The following FAM168A variants were observed in gnomAD, a reference collection of about 807,000 sequenced individuals.
FAM168A encodes the protein protein FAM168A.
In FAM168A, 3 loss-of-function variants were observed where a neutral mutation model predicts 28.5. That is an observed-to-expected ratio of 0.11 (90% confidence interval 0.05 to 0.27). The LOEUF is 0.27. Among genes scored for constraint, FAM168A ranks in the 10% least tolerant of loss-of-function variants. FAM168A has a pLI of 1.00. For synonymous variants in FAM168A, 122 were observed against 124.2 expected, an observed-to-expected ratio of 0.98 and a Z score of 0.12; for missense variants, 222 against 311.5, an observed-to-expected ratio of 0.71 and a Z score of 2.16.
Position 73,468,417 on chromosome 11 carries a change from T to C in FAM168A, c.58A>G (p.Met20Val), listed in dbSNP as rs755968252. 1.7e-5 allele frequency: 27 copies of C among 1,614,000 alleles called. No homozygotes were observed. The African/African-American group carries it at 3.1e-4, about 18-fold the overall frequency. The change falls in exon 2 of 8, where the codon ATG (methionine) becomes GTG (valine). Residue 20 changes from methionine (M) to valine (V), a missense_variant. By Grantham distance (21) the Met-to-Val change is conservative. Around this residue, in one of 3 missense-constraint regions of FAM168A, gnomAD observed 153 missense variants for 189.2 expected, o/e 0.81. Coordinates refer to ENST00000356467, the MANE Select transcript of FAM168A (RefSeq NM_015159.3). Reference protein sequence around the residue: ...PGAPYGNPKNMAYTGYPTAYP... With the variant: ...PGAPYGNPKNVAYTGYPTAYP... The stretch of plus-strand genomic sequence containing the variant: ...TCACACTACTCACCCGTGTAGGCCA[T>C]GTTCTTAGGGTTGCCATAAGGAGCC...
rs201999255 is a variant in FAM168A, at chr11:73,419,911, G to A, written c.240C>T (p.Thr80=). ...GTFHLPVDTG[T]ENRTYQASSA... ...AGGATGCTTGGTAAGTTCGGTTCTC[G>A]GTCCCGGTGTCCACTGGGAGGTGGA... Residue 80 remains threonine, a synonymous_variant, in exon 4 of 8, where the codon ACC becomes ACT. Coordinates refer to ENST00000356467, the MANE Select transcript of FAM168A (RefSeq NM_015159.3). The A allele has an allele frequency of 7.1e-5, 115 of 1,614,024 alleles. No homozygotes were observed. In the Admixed American group the frequency reaches 1.7e-3, roughly 24 times the overall value.
intron 1 of FAM168A, among the ~76,000 whole-genome samples, chr11:73,530,076 C>A (rs1314511701): frequency 6.6e-6 from 1 of 152,056 alleles, no homozygotes; most frequent in Non-Finnish European, 1.5e-5. Context: ...CATGAGCCAC[C>A]ACACCTGGCC....
chr11:73,567,031 G>T (rs967236222), intron 1 of FAM168A, among the ~76,000 whole-genome samples: 2 of 152,210 alleles, frequency 1.3e-5, no homozygotes, highest in South Asian at 4.1e-4. Context: ...CCCAAGGATT[G>T]CAAGTGGTTT....
chr11:73,587,355 G>A (rs1405207562), intron 1 of FAM168A, among the ~76,000 whole-genome samples: 1 of 151,988 alleles, frequency 6.6e-6, no homozygotes, highest in Non-Finnish European at 1.5e-5. Flanking sequence ...AGCCGGGCAT[G>A]GTTTCGGGCA....
intron 1 of FAM168A, among the ~76,000 whole-genome samples, chr11:73,491,423 C>A (rs1413969967): frequency 1.3e-5 from 2 of 152,232 alleles, no homozygotes; most frequent in African/African-American, 4.8e-5. Context: ...ACTCTCCTTT[C>A]ACTTCTGAAA....
chr11:73,412,872 A>G (rs1421248706), intron 4 of FAM168A, among the ~76,000 whole-genome samples: 1 of 152,188 alleles, frequency 6.6e-6, no homozygotes, highest in African/African-American at 2.4e-5. Flanking sequence ...TGCTGTTTCT[A>G]TCATATAATA....
chr11:73,562,563 A>C (rs1237885876), intron 1 of FAM168A, among the ~76,000 whole-genome samples: 1 of 152,196 alleles, frequency 6.6e-6, no homozygotes, highest in Non-Finnish European at 1.5e-5. Context: ...ACGATCGCTC[A>C]TGCTGGTAAT....
At chr11:73,557,046 A>G (rs1943899969) in intron 1 of FAM168A, among the ~76,000 whole-genome samples, 1 of 152,084 alleles carries the variant, frequency 6.6e-6, no homozygotes, top group African/African-American at 2.4e-5. Flanking sequence ...AAAAGAGGAA[A>G]AAAAGCAATG....
chr11:73,544,959 A>G (rs1197903056), intron 1 of FAM168A, among the ~76,000 whole-genome samples: 2 of 94,152 alleles, frequency 2.1e-5, no homozygotes, highest in Non-Finnish European at 3.7e-5. Context: ...AATATATTAT[A>G]TATAATATAT....
chr11:73,494,997 C>A (rs551644081), intron 1 of FAM168A, among the ~76,000 whole-genome samples: 3 of 148,170 alleles, frequency 2.0e-5, no homozygotes, highest in Non-Finnish European at 4.4e-5. Context: ...TGGAGTGAGA[C>A]TGTCTCAAAA....
intron 1 of FAM168A, among the ~76,000 whole-genome samples, chr11:73,471,196 C>G (rs1475774136): frequency 6.6e-6 from 1 of 152,100 alleles, no homozygotes; most frequent in Non-Finnish European, 1.5e-5. Flanking sequence ...CAGGGACAGG[C>G]TAAAAATGAG....
intron 4 of FAM168A, chr11:73,412,351 A>G (rs1866627837): frequency 6.6e-6 from 1 of 152,252 alleles, no homozygotes; most frequent in South Asian, 2.1e-4. Flanking sequence ...AACCTGGGCC[A>G]TGTCTGTCCC....
intron 1 of FAM168A, among the ~76,000 whole-genome samples, chr11:73,518,886 G>A (rs879613372): frequency 1.3e-5 from 2 of 152,034 alleles, no homozygotes; most frequent in Non-Finnish European, 2.9e-5. Flanking sequence ...GACAGAGTGA[G>A]ACTGTCTCAA....
intron 1 of FAM168A, among the ~76,000 whole-genome samples, chr11:73,490,943 C>G (rs1242759575): frequency 6.6e-6 from 1 of 152,158 alleles, no homozygotes; most frequent in African/African-American, 2.4e-5. Context: ...GAATATTGAT[C>G]ACTCTTCTCC....
At chr11:73,519,562 G>A (rs2134648679) in intron 1 of FAM168A, among the ~76,000 whole-genome samples, 1 of 152,278 alleles carries the variant, frequency 6.6e-6, no homozygotes, top group Non-Finnish European at 1.5e-5. Flanking sequence ...TCAAGAAAGG[G>A]CATTCCAAGG....
At position 73,401,559 on chromosome 11, in the gene FAM168A, T is replaced by C. The variant is rs1866411556; in HGVS notation, c.*5204A>G. 6.6e-6 allele frequency: 1 copy of C among 152,238 alleles called. No homozygotes were observed. The highest frequency in any genetic ancestry group is 1.5e-5 in the Non-Finnish European group (1 of 68,068). The allele number at this position is 152,238 out of a possible 1,614,324, so 9.4% of individuals were successfully genotyped here. A position where few individuals can be genotyped will look rare whatever the true frequency, so the allele number is the denominator to read the frequency against. On this transcript the variant is annotated 3_prime_UTR_variant, in exon 8 of 8. Coordinates refer to ENST00000356467, the MANE Select transcript of FAM168A (RefSeq NM_015159.3). ...CCAAAGCTGATCTCACCCATTTGAT[T>C]CCTATGGGCCGGTACTTTGCAAAGC...
At chr11:73,445,259 C>G (rs1392783902) in intron 2 of FAM168A, among the ~76,000 whole-genome samples, 1 of 113,998 alleles carries the variant, frequency 8.8e-6, no homozygotes, top group Non-Finnish European at 1.9e-5. Flanking sequence ...AACTCCATCT[C>G]AAAAAAAAAA....
intron 1 of FAM168A, among the ~76,000 whole-genome samples, chr11:73,517,360 A>G (rs1427887619): frequency 6.6e-6 from 1 of 152,182 alleles, no homozygotes; most frequent in Non-Finnish European, 1.5e-5. Context: ...GTAACTGAGT[A>G]GTAAATCATC....
chr11:73,534,886 T>A (rs1330235370), intron 1 of FAM168A, among the ~76,000 whole-genome samples: 1 of 152,134 alleles, frequency 6.6e-6, no homozygotes, highest in Non-Finnish European at 1.5e-5. Context: ...ACAGGCACAG[T>A]TGAGGGCAGG....
Sources: allele counts gnomAD v4.1 joint callset (sites outside exome capture counted in the v4.1 genomes callset), GRCh38; gene constraint gnomAD v4.1.1; regional missense constraint gnomAD v4.1.1; transcripts MANE v1.5; gene names NCBI Gene and HGNC (gene_info 2026-07-23, HGNC 2026-07-21).